The following CNOT6L variants were observed in gnomAD, a reference collection of about 807,000 sequenced individuals.
The protein encoded by CNOT6L is CCR4-NOT transcription complex subunit 6 like.
In CNOT6L, 7 loss-of-function variants were observed where a neutral mutation model predicts 64.0. That is an observed-to-expected ratio of 0.11 (90% CI 0.06 to 0.21). CNOT6L has a LOEUF of 0.21. Among genes scored for constraint, CNOT6L ranks in the 10% least tolerant of loss-of-function variants. CNOT6L has a pLI of 1.00. For synonymous variants in CNOT6L, 193 were observed against 243.4 expected, an observed-to-expected ratio of 0.79 and a Z score of 1.93; for missense variants, 245 against 669.0, an observed-to-expected ratio of 0.37 and a Z score of 6.99.
At chr4:77,763,969 C>G (rs1726527976) in intron 4 of CNOT6L, among the ~76,000 whole-genome samples, 1 of 152,052 alleles carries the variant, frequency 6.6e-6, no homozygotes, top group Non-Finnish European at 1.5e-5. Context: ...GTGTATGCAA[C>G]AAAAAAGTAG....
intron 5 of CNOT6L, among the ~76,000 whole-genome samples, chr4:77,751,461 T>C (rs934531106): frequency 6.6e-6 from 1 of 152,094 alleles, no homozygotes; most frequent in African/African-American, 2.4e-5. Flanking sequence ...GGAGAAAGGA[T>C]GTGGAGCTAA....
At chr4:77,819,049 G>GACACCCACACACACACAC in intron 1 of CNOT6L, 1 of 522,720 alleles carries the variant, frequency 1.9e-6, no homozygotes, top group East Asian at 3.7e-5. Context: ...GGCCACCCCC[G>GACACCCACACACACACAC]ACACACACAC....
chr4:77,786,279 TAA>T (rs11438643), intron 1 of CNOT6L, among the ~76,000 whole-genome samples: 1 of 147,494 alleles, frequency 6.8e-6, no homozygotes, highest in Admixed American at 6.8e-5. Flanking sequence ...AGACTCCCTC[TAA>T]AAAAAAAGAA....
intron 7 of CNOT6L, among the ~76,000 whole-genome samples, chr4:77,743,822 A>C (rs1723882292): frequency 6.6e-6 from 1 of 151,918 alleles, no homozygotes; most frequent in South Asian, 2.1e-4. Flanking sequence ...GGCTGGTCTC[A>C]AACTCTTGAC....
rs1721101820 is a variant in CNOT6L, at chr4:77,719,847, T to C, written c.*584A>G. On this transcript the variant is annotated 3_prime_UTR_variant, in exon 12 of 12. Coordinates refer to ENST00000504123, the MANE Select transcript of CNOT6L (RefSeq NM_144571.3). ...CATGCTGGATTATAAAAGTATACTG[T>C]GCAACCATCTTTAATTTTTCAAATT... is the stretch of plus-strand genomic sequence containing the variant. The C allele has an allele frequency of 6.5e-6, 1 of 152,772 alleles. No individual in the cohort carries two copies. Among genetic ancestry groups the C allele is most frequent in the Non-Finnish European group, 1.5e-5 (1 of 68,128 alleles). The allele number at this position is 152,772 out of a possible 1,614,324, so 9.5% of individuals were successfully genotyped here. A position where few individuals can be genotyped will look rare whatever the true frequency, so the allele number is the denominator to read the frequency against.
At chr4:77,738,878 T>TAA (rs985716083) in intron 8 of CNOT6L, among the ~76,000 whole-genome samples, 53 of 152,292 alleles carry the variant, frequency 3.5e-4, no homozygotes, top group African/African-American at 1.3e-3. Flanking sequence ...TAATACTTGT[T>TAA]AAAAGACAAA....
intron 1 of CNOT6L, among the ~76,000 whole-genome samples, chr4:77,812,156 T>A (rs900465732): frequency 6.6e-6 from 1 of 152,104 alleles, no homozygotes; most frequent in Non-Finnish European, 1.5e-5. Context: ...TAAAAACTAT[T>A]AGAACTGGCC....
intron 4 of CNOT6L, among the ~76,000 whole-genome samples, chr4:77,771,283 T>G: frequency 6.6e-6 from 1 of 151,888 alleles, no homozygotes; most frequent in East Asian, 1.9e-4. Flanking sequence ...TGAGCCAAGA[T>G]CATGCCATTG....
Position 77,716,516 on chromosome 4 carries a change from G to A in CNOT6L, c.*3915C>T, listed in dbSNP as rs922399602. ...GATGGCATTAGTGATTTTTAGAAAC[G>A]CTTGGAAATGCAAATATAAACTTAA... On this transcript the variant is annotated 3_prime_UTR_variant, in exon 12 of 12. Transcript: ENST00000504123. 1.3e-5 allele frequency: 2 copies of A among 152,022 alleles called. No individual in the cohort carries two copies. The highest frequency in any genetic ancestry group is 4.8e-5 in the African/African-American group (2 of 41,414). The allele number at this position is 152,022 out of a possible 1,614,324, so 9.4% of individuals were successfully genotyped here. A position where few individuals can be genotyped will look rare whatever the true frequency, so the allele number is the denominator to read the frequency against.
rs1721138549 is a variant in CNOT6L at position 77,720,241 on chromosome 4, CT to C, written c.*189del. The C allele has an allele frequency of 1.8e-6, 1 of 554,002 alleles. No individual in the cohort carries two copies. The highest frequency in any genetic ancestry group is 3.2e-6 in the Non-Finnish European group (1 of 312,488). The allele number at this position is 554,002 out of a possible 1,614,324, so 34.3% of individuals were successfully genotyped here. On this transcript the variant is annotated 3_prime_UTR_variant, in exon 12 of 12. Coordinates refer to ENST00000504123, the MANE Select transcript of CNOT6L (RefSeq NM_144571.3). ...TTAAAATTTTGTAAAGAGAGTAATA[CT>C]TTGGTTCCAGCCCTACTGCCAAATG...
At chr4:77,800,325 G>C (rs929413267) in intron 1 of CNOT6L, among the ~76,000 whole-genome samples, 1 of 151,922 alleles carries the variant, frequency 6.6e-6, no homozygotes, top group Non-Finnish European at 1.5e-5. Flanking sequence ...AACATAGTGA[G>C]ACCCTAACTC....
chr4:77,720,840 T>G (rs115134099), intron 11 of CNOT6L, among the ~76,000 whole-genome samples, 197 bp from the exon 12 acceptor site: 2 of 152,142 alleles, frequency 1.3e-5, no homozygotes, highest in Admixed American at 1.3e-4. Context: ...CAGCATGCTA[T>G]TGGAATTATA....
upstream of CNOT6L, chr4:77,819,373 A>ACACGCG (rs1734036854): frequency 6.3e-6 from 10 of 1,581,576 alleles, no homozygotes; most frequent in Admixed American, 8.5e-5. Context: ...ACACACACAA[A>ACACGCG]CACGCGCGCG....
chr4:77,799,385 C>T (rs1560433380), intron 1 of CNOT6L, among the ~76,000 whole-genome samples: 1 of 152,126 alleles, frequency 6.6e-6, no homozygotes, highest in Non-Finnish European at 1.5e-5. Flanking sequence ...GCACTCCAGC[C>T]TAGGCTAGTA....
At chr4:77,809,743 A>G (rs1003625320) in intron 1 of CNOT6L, among the ~76,000 whole-genome samples, 1 of 152,116 alleles carries the variant, frequency 6.6e-6, no homozygotes, top group African/African-American at 2.4e-5. Flanking sequence ...GTATTATGTA[A>G]CTCTAATTTA....
At chr4:77,800,264 G>C (rs1731363424) in intron 1 of CNOT6L, among the ~76,000 whole-genome samples, 1 of 152,098 alleles carries the variant, frequency 6.6e-6, no homozygotes, top group Admixed American at 6.6e-5. Context: ...CACTTTCGGA[G>C]GCCAAGGTGG....
chr4:77,797,473 T>C (rs1187348562), intron 1 of CNOT6L, among the ~76,000 whole-genome samples: 2 of 152,222 alleles, frequency 1.3e-5, no homozygotes, highest in African/African-American at 4.8e-5. Flanking sequence ...CACTGTTTAG[T>C]ATACCTGCCT....
chr4:77,743,546 A>G (rs1024440587), intron 7 of CNOT6L, among the ~76,000 whole-genome samples: 1 of 148,364 alleles, frequency 6.7e-6, no homozygotes, highest in Non-Finnish European at 1.5e-5. Flanking sequence ...TTTTCCTCTC[A>G]GGCTATGATG....
At chr4:77,731,642 T>C in intron 8 of CNOT6L, 104 bp from the exon 9 acceptor site, 1 of 843,992 alleles carries the variant, frequency 1.2e-6, no homozygotes, top group Non-Finnish European at 1.8e-6. Flanking sequence ...ATTTTCTAGC[T>C]GCAAGTGACC....
Sources: allele counts gnomAD v4.1 joint callset (sites outside exome capture counted in the v4.1 genomes callset), GRCh38; gene constraint gnomAD v4.1.1; transcripts MANE v1.5; gene names NCBI Gene and HGNC (gene_info 2026-07-23, HGNC 2026-07-21).